The following USP54 variants were observed in gnomAD, a reference collection of about 807,000 sequenced individuals.
USP54 encodes the protein ubiquitin specific peptidase 54.
Under a neutral mutation model 170.5 loss-of-function variants are expected in USP54, and 87 were observed. That is an observed-to-expected ratio of 0.51 (90% CI 0.43 to 0.61). The LOEUF (loss-of-function observed/expected upper bound fraction) is 0.61, where lower values mean the gene tolerates loss of function less well. USP54 is among the 20% of genes least tolerant of loss of function. The pLI is 0.00. For missense variants in USP54, 1,786 were observed against 2,047.8 expected (o/e 0.87, Z 2.47); for synonymous variants, 655 against 742.8 (o/e 0.88, Z 1.92).
At chr10:73,619,202 AAAAC>A (rs1208943565) in intron 1 of USP54, among the ~76,000 whole-genome samples, 1 of 150,422 alleles carries the variant, frequency 6.6e-6, no homozygotes, top group African/African-American at 2.5e-5. Flanking sequence ...AAAGCAAAAC[AAAAC>A]AAACAACAAA....
At chr10:73,582,535 G>A (rs567744035) in intron 1 of USP54, among the ~76,000 whole-genome samples, 4 of 152,108 alleles carry the variant, frequency 2.6e-5, no homozygotes, top group Admixed American at 6.5e-5. Flanking sequence ...GGGATTACAG[G>A]CATGCGCCAC....
intron 1 of USP54, among the ~76,000 whole-genome samples, chr10:73,590,664 T>C (rs1252886670): frequency 6.6e-6 from 1 of 152,156 alleles, no homozygotes; most frequent in Non-Finnish European, 1.5e-5. Context: ...CAGGTGCTAA[T>C]GAACAAATTT....
rs1473496983 is a variant in USP54 at position 73,575,855 on chromosome 10, C to A, written c.-75G>T. The stretch of plus-strand genomic sequence containing the variant: ...CAGGTATCCTCCTAGATCAAGATGA[C>A]AGAGCCCTCCCTCACTTGTTCCAAA... On this transcript the variant is annotated 5_prime_UTR_variant, in exon 2 of 24. Coordinates refer to ENST00000687698, the MANE Select transcript of USP54 (RefSeq NM_001391956.1). 1 of 500,874 alleles carries A rather than the reference C, an allele frequency of 2.0e-6. No homozygotes were observed. Among genetic ancestry groups the A allele is most frequent in the African/African-American group, 2.0e-5 (1 of 50,996 alleles). The allele number at this position is 500,874 out of a possible 1,614,324, so 31.0% of individuals were successfully genotyped here. A position where few individuals can be genotyped will look rare whatever the true frequency, so the allele number is the denominator to read the frequency against.
intron 3 of USP54, among the ~76,000 whole-genome samples, chr10:73,571,963 T>G (rs1185021558): frequency 6.6e-6 from 1 of 152,242 alleles, no homozygotes; most frequent in Non-Finnish European, 1.5e-5. Context: ...AAGAGAAGTG[T>G]GATCTCCTTA....
At chr10:73,539,349 C>A in intron 10 of USP54, 95 bp downstream of exon 10, 1 of 947,758 alleles carries the variant, frequency 1.1e-6, no homozygotes, top group Non-Finnish European at 1.4e-6. Flanking sequence ...GGGGAGGTCC[C>A]ATTCAAAATT....
chr10:73,589,398 T>A (rs1400230692), intron 1 of USP54, among the ~76,000 whole-genome samples: 1 of 152,174 alleles, frequency 6.6e-6, no homozygotes, highest in African/African-American at 2.4e-5. Context: ...AGCAAACTAG[T>A]AATAGCAGTG....
rs1312038608 is a variant in USP54 at position 73,539,602 on chromosome 10, A to T, written c.826-9T>A. ...GTCACTCTGAAAAACAGCTGAGGGG[A>T]AAGAAGAGAAAAGAAAGCACAGTCA... On this transcript the variant is annotated splice_polypyrimidine_tract_variant and intron_variant, in intron 9 of 23. Coordinates refer to ENST00000687698, the MANE Select transcript of USP54 (RefSeq NM_001391956.1). The T allele has an allele frequency of 5.7e-6, 9 of 1,574,878 alleles. No homozygotes were observed. Among genetic ancestry groups the T allele is most frequent in the Non-Finnish European group, 7.8e-6 (9 of 1,155,782 alleles).
intron 22 of USP54, among the ~76,000 whole-genome samples, chr10:73,502,298 C>A (rs981572607): frequency 2.0e-5 from 3 of 152,054 alleles, no homozygotes; most frequent in Admixed American, 6.6e-5. Context: ...TGTGACACAG[C>A]TAATTATTCC....
At chr10:73,578,644 A>T (rs2076442766) in intron 1 of USP54, among the ~76,000 whole-genome samples, 1 of 152,132 alleles carries the variant, frequency 6.6e-6, no homozygotes, top group Non-Finnish European at 1.5e-5. Flanking sequence ...ACTTCAGGTG[A>T]TCCACCTGCC....
intron 4 of USP54, among the ~76,000 whole-genome samples, chr10:73,560,707 A>G (rs2072708536): frequency 6.6e-6 from 1 of 150,856 alleles, no homozygotes; most frequent in Non-Finnish European, 1.5e-5. Flanking sequence ...CAAAAGTCAC[A>G]GGATGAAAAC....
chr10:73,565,370 G>A (rs111688796), intron 4 of USP54, among the ~76,000 whole-genome samples: 6 of 151,932 alleles, frequency 3.9e-5, no homozygotes, highest in African/African-American at 1.2e-4. Context: ...TTTAAAAATC[G>A]CCAGACATGG....
At chr10:73,567,005 T>C (rs949896863) in intron 4 of USP54, among the ~76,000 whole-genome samples, 1 of 151,778 alleles carries the variant, frequency 6.6e-6, no homozygotes, top group South Asian at 2.1e-4. Context: ...GCCTCCTGAG[T>C]AGCTGGGATT....
intron 1 of USP54, among the ~76,000 whole-genome samples, chr10:73,579,761 AAAC>A (rs140559477): frequency 0.038 from 5,764 of 151,986 alleles, 338 homozygotes; most frequent in African/African-American, 0.13. Flanking sequence ...CATCTCAAAA[AAAC>A]AACAACAACA....
At chr10:73,622,300 ATATTTATTTATT>A (rs112001853) in intron 1 of USP54, among the ~76,000 whole-genome samples, 79 of 149,660 alleles carry the variant, frequency 5.3e-4, no homozygotes, top group East Asian at 2.0e-3. Flanking sequence ...GACTGTTGTA[ATATTTATTTATT>A]TATTTATTTA....
intron 7 of USP54, among the ~76,000 whole-genome samples, chr10:73,542,461 C>T (rs375963205): frequency 5.3e-5 from 8 of 152,108 alleles, no homozygotes; most frequent in Non-Finnish European, 1.2e-4. Flanking sequence ...CTGTGGCTCA[C>T]GCCTGTAATC....
intron 4 of USP54, among the ~76,000 whole-genome samples, chr10:73,564,444 AG>A (rs529991248): frequency 3.7e-4 from 57 of 152,288 alleles, no homozygotes; most frequent in African/African-American, 1.1e-3. Context: ...GCAAGTAGCA[AG>A]TTTCCTATAT....
At chr10:73,549,502 G>A (rs1446655418) in intron 4 of USP54, among the ~76,000 whole-genome samples, 3 of 151,982 alleles carry the variant, frequency 2.0e-5, no homozygotes, top group Non-Finnish European at 4.4e-5. Flanking sequence ...AGTAAACACC[G>A]CCACCATCCT....
At chr10:73,606,878 CAAA>C (rs200071977) in intron 1 of USP54, among the ~76,000 whole-genome samples, 4 of 55,886 alleles carry the variant, frequency 7.2e-5, no homozygotes, top group Admixed American at 6.1e-4. Context: ...GACAATATCT[CAAA>C]AAAAAAAAAA....
upstream of USP54, among the ~76,000 whole-genome samples, chr10:73,593,760 A>C (rs2078489200): frequency 6.6e-6 from 1 of 152,182 alleles, no homozygotes; most frequent in South Asian, 2.1e-4. Flanking sequence ...GGGGAGGGTA[A>C]TGGAAAAGCA....
Sources: allele counts gnomAD v4.1 joint callset (sites outside exome capture counted in the v4.1 genomes callset), GRCh38; gene constraint gnomAD v4.1.1; transcripts MANE v1.5; gene names NCBI Gene and HGNC (gene_info 2026-07-23, HGNC 2026-07-21).